The following CRACD variants were observed in gnomAD, a reference collection of about 807,000 sequenced individuals.
CRACD encodes the protein capping protein-inhibiting regulator of actin dynamics.
CRACD carries 56 observed loss-of-function variants against 106.8 expected under a neutral mutation model. The ratio of observed to expected loss-of-function variants is 0.52; its 90% CI spans 0.42 to 0.66. CRACD has a LOEUF of 0.66. CRACD is among the 30% of genes least tolerant of loss of function. The pLI is 0.00. For synonymous variants in CRACD, 754 were observed against 670.8 expected, an observed-to-expected ratio of 1.12 and a Z score of -1.92; for missense variants, 1,730 against 1,623.2, an observed-to-expected ratio of 1.07 and a Z score of -1.13.
chr4:56,071,152 A>G (rs867336182), intron 1 of CRACD, among the ~76,000 whole-genome samples: 3 of 152,204 alleles, frequency 2.0e-5, no homozygotes, highest in Non-Finnish European at 1.5e-5. Context: ...TCTGAGAATC[A>G]AATAACTTAC....
chr4:56,220,801 C>A (rs1449079366), intron 2 of CRACD, among the ~76,000 whole-genome samples: 1 of 152,034 alleles, frequency 6.6e-6, no homozygotes, highest in East Asian at 1.9e-4. Context: ...TAGTGGATAG[C>A]AAAATTGATT....
intron 8 of CRACD, chr4:56,321,151 C>A: frequency 4.4e-6 from 1 of 226,246 alleles, no homozygotes; most frequent in South Asian, 7.4e-5. Context: ...TTCTGCTGGT[C>A]TCTGAGGTTC....
intron 8 of CRACD, among the ~76,000 whole-genome samples, 189 bp downstream of exon 8, chr4:56,316,878 G>A (rs775080269): frequency 6.6e-6 from 1 of 152,206 alleles, no homozygotes; most frequent in Non-Finnish European, 1.5e-5. Context: ...TGCCCTGGTG[G>A]ATTTTCCTTA....
intron 4 of CRACD, chr4:56,301,190 G>C (rs1364157437): frequency 2.3e-6 from 3 of 1,277,602 alleles, no homozygotes; most frequent in Non-Finnish European, 3.1e-6. Flanking sequence ...AGATATAACT[G>C]AATCATCCCC....
At chr4:56,231,965 A>C (rs1006174556) in intron 2 of CRACD, among the ~76,000 whole-genome samples, 1 of 152,340 alleles carries the variant, frequency 6.6e-6, no homozygotes, top group South Asian at 2.1e-4. Flanking sequence ...CCATGAAGAA[A>C]TACCTAAGGA....
chr4:56,311,511 A>G (rs1321137885), intron 6 of CRACD: 1 of 152,230 alleles, frequency 6.6e-6, no homozygotes, highest in African/African-American at 2.4e-5. Context: ...TCATGCATCT[A>G]TTAGGGGATG....
chr4:56,272,898 CAA>C (rs11434095), intron 3 of CRACD, among the ~76,000 whole-genome samples: 26 of 124,912 alleles, frequency 2.1e-4, no homozygotes, highest in Non-Finnish European at 1.7e-4. Flanking sequence ...GACTCTGCCT[CAA>C]AAAAAAAAAA....
At chr4:56,057,509 C>T (rs1283156042) in intron 1 of CRACD, among the ~76,000 whole-genome samples, 1 of 152,094 alleles carries the variant, frequency 6.6e-6, no homozygotes, top group Non-Finnish European at 1.5e-5. Flanking sequence ...GTCAGAGGTC[C>T]TGCATTAAAA....
intron 3 of CRACD, among the ~76,000 whole-genome samples, chr4:56,281,897 A>G (rs1350430121): frequency 6.6e-6 from 1 of 152,080 alleles, no homozygotes; most frequent in Non-Finnish European, 1.5e-5. Flanking sequence ...GAGATTCCAA[A>G]CTTTCCTCCT....
chr4:56,085,364 T>TA (rs1733178995), intron 1 of CRACD, among the ~76,000 whole-genome samples: 1 of 152,178 alleles, frequency 6.6e-6, no homozygotes, highest in African/African-American at 2.4e-5. Context: ...ATTTTTTTTT[T>TA]ACCTTCAAGT....
chr4:56,082,379 C>T (rs1049043648), intron 1 of CRACD, among the ~76,000 whole-genome samples: 4 of 152,114 alleles, frequency 2.6e-5, no homozygotes, highest in Non-Finnish European at 4.4e-5. Flanking sequence ...TGGTAAGCCA[C>T]GGGAGGCCTT....
At chr4:56,098,606 A>G (rs536350348) in intron 1 of CRACD, among the ~76,000 whole-genome samples, 14 of 152,294 alleles carry the variant, frequency 9.2e-5, no homozygotes, top group Middle Eastern at 3.4e-3. Context: ...TCCACTTACT[A>G]ATAACAAGAA....
chr4:56,172,042 T>C (rs527580435), intron 1 of CRACD, among the ~76,000 whole-genome samples: 1 of 150,336 alleles, frequency 6.7e-6, no homozygotes, highest in African/African-American at 2.4e-5. Flanking sequence ...TTTTCAACTT[T>C]ACAGTATAAC....
chr4:56,319,760 G>A (rs1456674810), intron 8 of CRACD, among the ~76,000 whole-genome samples: 3 of 152,112 alleles, frequency 2.0e-5, no homozygotes, highest in African/African-American at 7.2e-5. Flanking sequence ...GCTTTATAAA[G>A]AGGCCTGCAT....
intron 2 of CRACD, among the ~76,000 whole-genome samples, chr4:56,206,739 T>A (rs1487882541): frequency 1.3e-5 from 2 of 152,150 alleles, no homozygotes; most frequent in Admixed American, 6.5e-5. Flanking sequence ...GTTTAAAAAT[T>A]CTCCCCTTTT....
chr4:56,180,564 T>C (rs1199857359), intron 2 of CRACD, among the ~76,000 whole-genome samples: 2 of 152,100 alleles, frequency 1.3e-5, no homozygotes, highest in Non-Finnish European at 2.9e-5. Context: ...TTATTTTGGC[T>C]GCAGATATCC....
At chr4:56,224,295 T>A (rs1375467308) in intron 2 of CRACD, among the ~76,000 whole-genome samples, 10 of 152,224 alleles carry the variant, frequency 6.6e-5, no homozygotes, top group Admixed American at 6.5e-4. Flanking sequence ...TTTGTTCATG[T>A]ATCACCTTCA....
chr4:56,180,627 A>G (rs1020120852), intron 2 of CRACD, among the ~76,000 whole-genome samples: 2 of 152,230 alleles, frequency 1.3e-5, no homozygotes, highest in Non-Finnish European at 2.9e-5. Flanking sequence ...ATATGAGATC[A>G]AAGGAAATAA....
rs537952564 is a variant in CRACD at position 56,244,549 on chromosome 4, T to C, written c.-188-27772T>C. Among the ~76,000 whole-genome samples, 28 of 152,364 alleles carry C rather than the reference T, an allele frequency of 1.8e-4. No individual in the cohort carries two copies. The Middle Eastern group carries it at 0.014, about 74-fold the overall frequency. On this transcript the variant is annotated intron_variant, in intron 2 of 10. Coordinates refer to ENST00000682029, the MANE Select transcript of CRACD (RefSeq NM_001393381.1). ...CTTTATTGCTAAAATTCAGCTAGTATATGTCAGGGTGGCTGTATCAGTTGG... is the reference window on the plus strand; with the variant it reads ...CTTTATTGCTAAAATTCAGCTAGTACATGTCAGGGTGGCTGTATCAGTTGG...
Sources: gnomAD v4.1 joint callset for allele counts (sites outside exome capture counted in the v4.1 genomes callset) on GRCh38, gnomAD v4.1.1 for gene constraint, MANE v1.5 for transcripts, NCBI Gene and HGNC (gene_info 2026-07-23, HGNC 2026-07-21) for gene names.